Variants in PRELID2 observed in about 807,000 individuals in gnomAD.
The protein encoded by PRELID2 is PRELI domain containing 2.
In PRELID2, 25 loss-of-function variants were observed where a neutral mutation model predicts 28.4. That is an observed-to-expected ratio of 0.88 (90% CI 0.64 to 1.23). PRELID2 has a LOEUF of 1.23. PRELID2 is among the 50% of genes most tolerant of loss of function. PRELID2 has a pLI of 0.00. For synonymous variants in PRELID2, 76 were observed against 71.6 expected, an observed-to-expected ratio of 1.06 and a Z score of -0.31; for missense variants, 201 against 214.4, an observed-to-expected ratio of 0.94 and a Z score of 0.39.
the PRELID2 span, among the ~76,000 whole-genome samples, chr5:145,334,363 T>G: frequency 3.3e-5 from 5 of 152,190 alleles, no homozygotes; most frequent in Non-Finnish European, 5.9e-5. Flanking sequence ...ATTCTCCCCC[T>G]CCAAAAACTT....
the PRELID2 span, among the ~76,000 whole-genome samples, chr5:145,424,689 C>T: frequency 0.021 from 3,151 of 152,242 alleles, 58 homozygotes; most frequent in Non-Finnish European, 0.032. Flanking sequence ...TCTTCTGTGT[C>T]GCTCACACTG....
At chr5:145,367,788 G>A in the PRELID2 span, among the ~76,000 whole-genome samples, 7 of 151,742 alleles carry the variant, frequency 4.6e-5, no homozygotes, top group African/African-American at 9.7e-5. Flanking sequence ...GCTTGATAGC[G>A]CATGTCTTTT....
intron 1 of PRELID2, among the ~76,000 whole-genome samples, chr5:145,528,513 A>C (rs1752627434): frequency 6.6e-6 from 1 of 151,948 alleles, no homozygotes; most frequent in African/African-American, 2.4e-5. Flanking sequence ...CATACATGCA[A>C]AGGGATTTTA....
At chr5:145,641,669 A>G (rs1754108607) in intron 1 of PRELID2, among the ~76,000 whole-genome samples, 1 of 152,066 alleles carries the variant, frequency 6.6e-6, no homozygotes, top group African/African-American at 2.4e-5. Flanking sequence ...CAAGCCCCCC[A>G]GGGGGGCCCT....
chr5:145,816,867 A>C (rs921638909), intron 4 of PRELID2, among the ~76,000 whole-genome samples: 2 of 152,150 alleles, frequency 1.3e-5, no homozygotes, highest in Non-Finnish European at 2.9e-5. Flanking sequence ...GATATTAAAA[A>C]ATTCTACTCT....
chr5:145,334,203 G>A, the PRELID2 span, among the ~76,000 whole-genome samples: 1 of 148,786 alleles, frequency 6.7e-6, no homozygotes, highest in Non-Finnish European at 1.5e-5. Flanking sequence ...CTGCAGATGG[G>A]AGCTGTTACT....
At chr5:145,500,818 T>C (rs1410726212) in intron 1 of PRELID2, among the ~76,000 whole-genome samples, 1 of 152,134 alleles carries the variant, frequency 6.6e-6, no homozygotes, top group East Asian at 1.9e-4. Context: ...GTGAGACTAA[T>C]TTCACTGCTG....
At chr5:145,631,139 C>T (rs1753926614) in intron 1 of PRELID2, among the ~76,000 whole-genome samples, 1 of 152,178 alleles carries the variant, frequency 6.6e-6, no homozygotes, top group Admixed American at 6.5e-5. Context: ...TCCCAGTATG[C>T]ACCCAGCCCC....
chr5:145,818,060 C>T lies in PRELID2; in HGVS notation c.208-6G>A. The T allele has an allele frequency of 6.2e-7, 1 of 1,610,520 alleles. No individual in the cohort carries two copies. Among genetic ancestry groups the T allele is most frequent in the Non-Finnish European group, 8.5e-7 (1 of 1,178,386 alleles). On this transcript the variant is annotated splice_polypyrimidine_tract_variant and splice_region_variant and intron_variant, in intron 3 of 6. Transcript: ENST00000683046. ...GGTACTTTCAAAATGCTCACCTGTC[C>T]AACAGAAAGAAAATGGCTTTTTCAA...
the PRELID2 span, among the ~76,000 whole-genome samples, chr5:145,238,503 A>G: frequency 6.6e-6 from 1 of 152,152 alleles, no homozygotes; most frequent in Non-Finnish European, 1.5e-5. Context: ...ATTTATTTAC[A>G]CATTTCCTAT....
chr5:145,534,973 T>G (rs1347772042), intron 1 of PRELID2, among the ~76,000 whole-genome samples: 1 of 151,980 alleles, frequency 6.6e-6, no homozygotes, highest in East Asian at 1.9e-4. Context: ...TTCTAAGATC[T>G]TATTTGTCTG....
chr5:145,338,071 TC>T, the PRELID2 span: 4 of 152,220 alleles, frequency 2.6e-5, no homozygotes, highest in African/African-American at 9.6e-5. Flanking sequence ...ATATAATGAT[TC>T]CTTTTATTCA....
Position 145,758,407 on chromosome 5 carries a change from C to T in PRELID2, c.*2129G>A, listed in dbSNP as rs901317525. Among the ~76,000 whole-genome samples the T allele has an allele frequency of 3.3e-5, 5 of 152,090 alleles. No homozygotes were observed. The highest frequency in any genetic ancestry group is 2.1e-4 in the South Asian group (1 of 4,826). On this transcript the variant is annotated 3_prime_UTR_variant, in exon 7 of 7. Coordinates refer to ENST00000683046, the MANE Select transcript of PRELID2 (RefSeq NM_205846.3). ...CTAAAAGTCACTGTAGTGTTCTTAG[C>T]TGCCCACTGGAACTACCAAAGGAGT...
At chr5:145,437,892 C>G in the PRELID2 span, among the ~76,000 whole-genome samples, 1 of 152,126 alleles carries the variant, frequency 6.6e-6, no homozygotes, top group African/African-American at 2.4e-5. Flanking sequence ...ATGTATATCT[C>G]TACCTATTTA....
At chr5:145,724,318 G>A (rs572716253) in intron 1 of PRELID2, among the ~76,000 whole-genome samples, 118 of 151,398 alleles carry the variant, frequency 7.8e-4, no homozygotes, top group African/African-American at 2.8e-3. Context: ...CCTAAACTTA[G>A]AAGCCATCTA....
chr5:145,265,796 A>G, the PRELID2 span, among the ~76,000 whole-genome samples: 1 of 152,224 alleles, frequency 6.6e-6, no homozygotes, highest in Admixed American at 6.5e-5. Flanking sequence ...CTCTCACATT[A>G]TACAAAAATC....
At chr5:145,809,815 C>T (rs1020304872) in intron 4 of PRELID2, among the ~76,000 whole-genome samples, 2 of 152,200 alleles carry the variant, frequency 1.3e-5, no homozygotes, top group Admixed American at 6.5e-5. Flanking sequence ...AACACATATG[C>T]TGGAAGAGTA....
chr5:145,284,581 G>A, the PRELID2 span, among the ~76,000 whole-genome samples: 1 of 152,086 alleles, frequency 6.6e-6, no homozygotes, highest in Non-Finnish European at 1.5e-5. Flanking sequence ...GGAAGTGGGA[G>A]AAAGGAATCC....
chr5:145,562,976 C>T (rs1055908561), intron 1 of PRELID2, among the ~76,000 whole-genome samples: 11 of 152,194 alleles, frequency 7.2e-5, no homozygotes, highest in Admixed American at 7.2e-4. Context: ...AAAGAGCATT[C>T]ATGGATATTT....
Sources: allele counts gnomAD v4.1 joint callset (sites outside exome capture counted in the v4.1 genomes callset), GRCh38; gene constraint gnomAD v4.1.1; transcripts MANE v1.5; gene names NCBI Gene and HGNC (gene_info 2026-07-23, HGNC 2026-07-21).